The following EXOC4 variants were observed in gnomAD, a reference collection of about 807,000 sequenced individuals.
EXOC4 encodes exocyst complex component 4, also known as SEC8-like 1.
Under a neutral mutation model 107.2 loss-of-function variants are expected in EXOC4, and 71 were observed. The observed-to-expected ratio is 0.66, with a 90% confidence interval of 0.55 to 0.81. The LOEUF is 0.81. Ranked by LOEUF, EXOC4 falls within the 30% of genes least tolerant of loss-of-function variation. The pLI is 0.00. For missense variants in EXOC4, 1,108 were observed against 1,189.6 expected, an observed-to-expected ratio of 0.93 and a Z score of 1.01; for synonymous variants, 456 against 441.2, an observed-to-expected ratio of 1.03 and a Z score of -0.42.
chr7:133,922,426 T>C (rs1381117177), intron 13 of EXOC4, among the ~76,000 whole-genome samples: 1 of 152,210 alleles, frequency 6.6e-6, no homozygotes, highest in Non-Finnish European at 1.5e-5. Flanking sequence ...TATATATTTA[T>C]TTTTATGACT....
At chr7:133,491,637 T>G (rs1019225761) in intron 9 of EXOC4, among the ~76,000 whole-genome samples, 3 of 152,062 alleles carry the variant, frequency 2.0e-5, no homozygotes, top group African/African-American at 7.3e-5. Flanking sequence ...AACTATATTC[T>G]GGGGCCTGTT....
intron 6 of EXOC4, among the ~76,000 whole-genome samples, chr7:133,371,824 C>T (rs1003887604): frequency 2.6e-5 from 4 of 152,280 alleles, no homozygotes; most frequent in South Asian, 4.1e-4. Flanking sequence ...TTTTCCAAAG[C>T]GGCTGCACCA....
intron 9 of EXOC4, among the ~76,000 whole-genome samples, chr7:133,508,135 G>T (rs574868430): frequency 6.6e-6 from 1 of 151,824 alleles, no homozygotes; most frequent in Non-Finnish European, 1.5e-5. Context: ...TGACTACAAA[G>T]GTACCTAACT....
chr7:133,438,811 G>T (rs1160023926), intron 7 of EXOC4, among the ~76,000 whole-genome samples: 1 of 152,170 alleles, frequency 6.6e-6, no homozygotes, highest in African/African-American at 2.4e-5. Context: ...GAGCAAACTG[G>T]ACATTGTTCC....
chr7:133,840,989 A>C (rs1242078098), intron 11 of EXOC4, among the ~76,000 whole-genome samples: 1 of 152,226 alleles, frequency 6.6e-6, no homozygotes, highest in Non-Finnish European at 1.5e-5. Context: ...GGGCTGCCGT[A>C]ACAAAATACC....
chr7:133,772,327 G>GTCAT (rs963428876), intron 10 of EXOC4, among the ~76,000 whole-genome samples: 17 of 151,984 alleles, frequency 1.1e-4, no homozygotes, highest in African/African-American at 4.1e-4. Context: ...GATGCCACTT[G>GTCAT]TCATTGCAAC....
chr7:133,551,503 C>T (rs762076883), intron 9 of EXOC4: 29 of 151,870 alleles, frequency 1.9e-4, no homozygotes, highest in Non-Finnish European at 3.7e-4. Context: ...ACGTAACTGC[C>T]GTGCATTTTA....
At chr7:133,411,674 T>TG (rs1453736483) in intron 7 of EXOC4, among the ~76,000 whole-genome samples, 1 of 152,142 alleles carries the variant, frequency 6.6e-6, no homozygotes, top group African/African-American at 2.4e-5. Context: ...ACAGTTTTTT[T>TG]TTAGTCTTTG....
At position 133,823,670 on chromosome 7, in the gene EXOC4, G is replaced by A. The variant is rs1294434607; in HGVS notation, c.1734+6126G>A. Among the ~76,000 whole-genome samples, 3 of 149,478 alleles carry A rather than the reference G, an allele frequency of 2.0e-5. No homozygotes were observed. The South Asian group carries it at 6.4e-4, about 32-fold the overall frequency. ...TCTATAACTAAAAATACAAAAATTAGCCAGGTGTGGTGGTAAGTACCTGTA... is the reference window on the plus strand; with the variant it reads ...TCTATAACTAAAAATACAAAAATTAACCAGGTGTGGTGGTAAGTACCTGTA... On this transcript the variant is annotated intron_variant, in intron 11 of 17. Transcript: ENST00000253861.
intron 17 of EXOC4, among the ~76,000 whole-genome samples, chr7:134,018,941 GT>G: frequency 6.6e-6 from 1 of 151,926 alleles, no homozygotes; most frequent in East Asian, 1.9e-4. Context: ...TTGTTTGTTT[GT>G]TTTTTTGAGA....
chr7:133,999,096 A>G (rs886781688), intron 15 of EXOC4, among the ~76,000 whole-genome samples: 2 of 152,200 alleles, frequency 1.3e-5, no homozygotes, highest in Non-Finnish European at 2.9e-5. Context: ...TTATTAAACA[A>G]CTAGGTAGCA....
intron 10 of EXOC4, among the ~76,000 whole-genome samples, chr7:133,760,522 A>C (rs1264771914): frequency 1.3e-5 from 2 of 151,880 alleles, no homozygotes; most frequent in African/African-American, 4.8e-5. Context: ...GCAGATCTCT[A>C]CTCATCATCT....
intron 9 of EXOC4, among the ~76,000 whole-genome samples, chr7:133,607,788 G>C (rs545329235): frequency 1.3e-5 from 2 of 152,288 alleles, no homozygotes; most frequent in Admixed American, 6.5e-5. Flanking sequence ...ATTTGCATTA[G>C]TGCCTGCTAT....
intron 7 of EXOC4, among the ~76,000 whole-genome samples, chr7:133,407,371 A>T (rs1450676407): frequency 3.9e-5 from 6 of 152,118 alleles, no homozygotes; most frequent in Non-Finnish European, 2.9e-5. Flanking sequence ...TCTCTCCCCT[A>T]TTGGAATATC....
chr7:133,948,830 A>G (rs1440931597), intron 14 of EXOC4, among the ~76,000 whole-genome samples: 1 of 152,210 alleles, frequency 6.6e-6, no homozygotes, highest in African/African-American at 2.4e-5. Flanking sequence ...AATCCAGACC[A>G]CATCTGTCTG....
chr7:133,712,473 A>AT (rs1794914593), intron 10 of EXOC4, among the ~76,000 whole-genome samples: 1 of 99,884 alleles, frequency 1.0e-5, no homozygotes, highest in African/African-American at 3.8e-5. Flanking sequence ...AAAAAAAAAA[A>AT]TGGAGCGCTC....
chr7:134,024,274 C>A (rs1294902049), intron 17 of EXOC4, among the ~76,000 whole-genome samples: 1 of 152,028 alleles, frequency 6.6e-6, no homozygotes, highest in African/African-American at 2.4e-5. Context: ...CGCGGTGAAA[C>A]CCCGTCTCTA....
intron 7 of EXOC4, among the ~76,000 whole-genome samples, chr7:133,438,714 C>T (rs953950006): frequency 7.9e-5 from 12 of 152,210 alleles, no homozygotes; most frequent in Admixed American, 2.6e-4. Flanking sequence ...TTATCTTAAA[C>T]GCAGCAGCCA....
chr7:133,417,256 AAGGC>A (rs1259852096), intron 7 of EXOC4, among the ~76,000 whole-genome samples: 1 of 152,194 alleles, frequency 6.6e-6, no homozygotes, highest in Non-Finnish European at 1.5e-5. Flanking sequence ...GAGTCTAAGA[AAGGC>A]AGGTTCCTGC....
Sources: gnomAD v4.1 joint callset for allele counts (sites outside exome capture counted in the v4.1 genomes callset) on GRCh38, gnomAD v4.1.1 for gene constraint, MANE v1.5 for transcripts, NCBI Gene and HGNC (gene_info 2026-07-23, HGNC 2026-07-21) for gene names.